The following GPRIN3 variants were observed in gnomAD, a reference collection of about 807,000 sequenced individuals.
The protein encoded by GPRIN3 is G protein-regulated inducer of neurite outgrowth 3.
GPRIN3 carries 12 observed loss-of-function variants against 13.7 expected under a neutral mutation model. The ratio of observed to expected loss-of-function variants is 0.87; its 90% CI spans 0.56 to 1.42. The LOEUF (loss-of-function observed/expected upper bound fraction) is 1.42, where lower values mean the gene tolerates loss of function less well. Ranked by LOEUF, GPRIN3 falls within the 40% of genes most tolerant of loss-of-function variation. GPRIN3 has a pLI of 0.00. For synonymous variants in GPRIN3, 377 were observed against 372.7 expected (o/e 1.01, Z -0.13); for missense variants, 1,009 against 958.7 (o/e 1.05, Z -0.69).
intron 1 of GPRIN3, among the ~76,000 whole-genome samples, chr4:89,282,547 C>T (rs1229861915): frequency 6.6e-6 from 1 of 151,584 alleles, no homozygotes; most frequent in Non-Finnish European, 1.5e-5. Context: ...GAACATAGCC[C>T]AACACAAATC....
At chr4:89,280,991 G>C (rs4280701) in intron 1 of GPRIN3, among the ~76,000 whole-genome samples, 2 of 151,946 alleles carry the variant, frequency 1.3e-5, no homozygotes, top group Admixed American at 6.6e-5. Flanking sequence ...TATGGGAAGC[G>C]TGGTGCTGGC....
rs1429856276 is a variant in GPRIN3 at position 89,239,311 on chromosome 4, G to A, written c.*8469C>T. The A allele has an allele frequency of 6.6e-6, 1 of 151,974 alleles. No homozygotes were observed. The highest frequency in any genetic ancestry group is 1.5e-5 in the Non-Finnish European group (1 of 67,978). The allele number at this position is 151,974 out of a possible 1,614,324, so 9.4% of individuals were successfully genotyped here. A position where few individuals can be genotyped will look rare whatever the true frequency, so the allele number is the denominator to read the frequency against. On this transcript the variant is annotated 3_prime_UTR_variant, in exon 2 of 2. Coordinates refer to ENST00000609438, the MANE Select transcript of GPRIN3 (RefSeq NM_198281.3). ...TCATATTGAAAACTGCAATTTTTAAGTTATAATTTTTCTGGGTATTATTCA... is the reference window on the plus strand; with the variant it reads ...TCATATTGAAAACTGCAATTTTTAAATTATAATTTTTCTGGGTATTATTCA...
At position 89,249,934 on chromosome 4, in the gene GPRIN3, C is replaced by T. The variant is rs1578073177; in HGVS notation, c.177G>A (p.Arg59=). The T allele has an allele frequency of 1.9e-6, 3 of 1,614,178 alleles. No homozygotes were observed. In the African/African-American group the frequency reaches 4.0e-5, roughly 22 times the overall value. ...CCTGCATCAGGGCTTCGGCAGCTGC[C>T]CTGGGGCTGAGGTCTGGTTCTGCAG... ...GAPAEPDLSP[R]AAAEALMQVC... Residue 59 remains arginine (R), a synonymous_variant, in exon 2 of 2, where the codon AGG becomes AGA. Transcript: ENST00000609438.
chr4:89,295,744 G>A (rs1724714074), intron 1 of GPRIN3, among the ~76,000 whole-genome samples: 1 of 152,176 alleles, frequency 6.6e-6, no homozygotes, highest in African/African-American at 2.4e-5. Context: ...CTGAGGTGCT[G>A]TGGGCAATGA....
intron 1 of GPRIN3, among the ~76,000 whole-genome samples, chr4:89,279,950 C>T (rs901266958): frequency 1.3e-5 from 2 of 152,208 alleles, no homozygotes; most frequent in Non-Finnish European, 2.9e-5. Context: ...AATAGCAACT[C>T]TCCATTTAGA....
intron 1 of GPRIN3, among the ~76,000 whole-genome samples, chr4:89,272,705 TA>T (rs770936629): frequency 4.0e-5 from 6 of 151,206 alleles, no homozygotes; most frequent in Admixed American, 1.3e-4. Context: ...CCATCCAGTG[TA>T]AAAAAAAATG....
Position 89,250,198 on chromosome 4 carries a change from TGACACA to T in GPRIN3, c.-94_-89del. On this transcript the variant is annotated 5_prime_UTR_variant, in exon 2 of 2. Coordinates refer to ENST00000609438, the MANE Select transcript of GPRIN3 (RefSeq NM_198281.3). ...GGAGCGCAGTCAGAGCTCAGAGTGA[TGACACA>T]GTCAGGGATGATTCCTCTGAAGAAC... 6.6e-7 allele frequency: 1 copy of T among 1,522,338 alleles called. No homozygotes were observed. The allele number at this position is 1,522,338 out of a possible 1,614,324, so 94.3% of individuals were successfully genotyped here. A position where few individuals can be genotyped will look rare whatever the true frequency, so the allele number is the denominator to read the frequency against.
chr4:89,256,436 T>A (rs1470508475), intron 1 of GPRIN3, among the ~76,000 whole-genome samples: 1 of 152,166 alleles, frequency 6.6e-6, no homozygotes, highest in Non-Finnish European at 1.5e-5. Flanking sequence ...TGCTGCCTAT[T>A]TTCATAACAG....
chr4:89,258,408 G>T lies in GPRIN3; in HGVS notation c.-123-8175C>A, dbSNP rs143705393. 1.2e-3 allele frequency among the ~76,000 whole-genome samples: 189 copies of T among 151,962 alleles called. 2 individuals are homozygous for T. Among genetic ancestry groups the T allele is most frequent in the Admixed American group, 3.9e-3 (59 of 15,254 alleles). ...GTTTTTGTCTTTTTAGTAGAGATGG[G>T]GTTTCATCATGTTAGCCAGGATGGT... On this transcript the variant is annotated intron_variant, in intron 1 of 1. Coordinates refer to ENST00000609438, the MANE Select transcript of GPRIN3 (RefSeq NM_198281.3).
chr4:89,252,165 G>C (rs988722902), intron 1 of GPRIN3, among the ~76,000 whole-genome samples: 1 of 151,920 alleles, frequency 6.6e-6, no homozygotes, highest in African/African-American at 2.4e-5. Context: ...TAGAGACAGA[G>C]TCTCTCCATG....
intron 1 of GPRIN3, among the ~76,000 whole-genome samples, chr4:89,254,354 T>C (rs1156319739): frequency 2.0e-5 from 3 of 152,100 alleles, no homozygotes; most frequent in Admixed American, 6.5e-5. Flanking sequence ...TACCCATTAG[T>C]TAGTTTTTTT....
At position 89,245,340 on chromosome 4, in the gene GPRIN3, A is replaced by G. The variant is rs1358536605; in HGVS notation, c.*2440T>C. The G allele has an allele frequency of 6.6e-6, 1 of 152,252 alleles. No individual in the cohort carries two copies. Among genetic ancestry groups the G allele is most frequent in the Non-Finnish European group, 1.5e-5 (1 of 68,042 alleles). The allele number at this position is 152,252 out of a possible 1,614,324, so 9.4% of individuals were successfully genotyped here. On this transcript the variant is annotated 3_prime_UTR_variant, in exon 2 of 2. Transcript: ENST00000609438. ...TTTGGTCCCAGCACCAAAGAAAATC[A>G]GTTAAACTCAGTACATTAAACAAAT...
At chr4:89,255,047 G>T (rs944739764) in intron 1 of GPRIN3, among the ~76,000 whole-genome samples, 1 of 152,178 alleles carries the variant, frequency 6.6e-6, no homozygotes, top group Non-Finnish European at 1.5e-5. Flanking sequence ...CTTACCTGGG[G>T]TTGTGTGTGC....
intron 1 of GPRIN3, among the ~76,000 whole-genome samples, chr4:89,297,043 G>A (rs1264406714): frequency 1.3e-5 from 2 of 152,190 alleles, no homozygotes; most frequent in Non-Finnish European, 2.9e-5. Flanking sequence ...TAGTGGTGAA[G>A]CTCATGGCCT....
In GPRIN3 at chr4:89,290,845, C is replaced by T. The variant is rs142866445; in HGVS notation, c.-124+16770G>A. On this transcript the variant is annotated intron_variant, in intron 1 of 1. Transcript: ENST00000609438. The stretch of plus-strand genomic sequence containing the variant: ...GAGTATGAGGTTGGGGAGAGACTGC[C>T]GCATGCCCCATTCACACACAAACAG... Among the ~76,000 whole-genome samples the T allele has an allele frequency of 2.9e-4, 44 of 152,158 alleles. 1 individual carries two copies. The South Asian group carries it at 4.8e-3, about 17-fold the overall frequency.
At chr4:89,261,902 A>G (rs959308176) in intron 1 of GPRIN3, among the ~76,000 whole-genome samples, 1 of 152,038 alleles carries the variant, frequency 6.6e-6, no homozygotes, top group Non-Finnish European at 1.5e-5. Context: ...GCCTGAGCTT[A>G]GGAGTTCAAG....
chr4:89,243,670 T>A lies in GPRIN3; in HGVS notation c.*4110A>T, dbSNP rs1723009053. On this transcript the variant is annotated 3_prime_UTR_variant, in exon 2 of 2. Coordinates refer to ENST00000609438, the MANE Select transcript of GPRIN3 (RefSeq NM_198281.3). ...ACAGGCCTCACTTCTCAAACACCAC[T>A]TAGAACAAAGCAGGAGAGAGTAAAC... 1.3e-5 allele frequency: 2 copies of A among 152,108 alleles called. No homozygotes were observed. 9.4% of individuals were successfully genotyped at this position (152,108 alleles called of 1,614,324 possible).
In GPRIN3 at chr4:89,246,911, C is replaced by T. The variant is rs1423587605; in HGVS notation, c.*869G>A. On this transcript the variant is annotated 3_prime_UTR_variant, in exon 2 of 2. Transcript: ENST00000609438. ...GTAGAATATCACTGGAGAACACCTGCACAGTATCAATTTAGTATTATCCCT... is the reference window on the plus strand; with the variant it reads ...GTAGAATATCACTGGAGAACACCTGTACAGTATCAATTTAGTATTATCCCT... 1 of 152,218 alleles carries T rather than the reference C, an allele frequency of 6.6e-6. No individual in the cohort carries two copies. Among genetic ancestry groups the T allele is most frequent in the Admixed American group, 6.5e-5 (1 of 15,288 alleles). The allele number at this position is 152,218 out of a possible 1,614,324, so 9.4% of individuals were successfully genotyped here.
chr4:89,305,524 A>G (rs886756017), intron 1 of GPRIN3, among the ~76,000 whole-genome samples: 4 of 152,190 alleles, frequency 2.6e-5, no homozygotes, highest in African/African-American at 9.7e-5. Context: ...AAAGGGCAGG[A>G]GCAGCTGCCA....
Sources: gnomAD v4.1 joint callset for allele counts (sites outside exome capture counted in the v4.1 genomes callset) on GRCh38, gnomAD v4.1.1 for gene constraint, MANE v1.5 for transcripts, NCBI Gene and HGNC (gene_info 2026-07-23, HGNC 2026-07-21) for gene names.